JPH3: variants seen among roughly 807,000 people sequenced by gnomAD.
The protein encoded by JPH3 is junctophilin 3, also known as junctophilin-3.
In JPH3, 11 loss-of-function variants were observed where a neutral mutation model predicts 59.6. The ratio of observed to expected loss-of-function variants is 0.18; its 90% CI spans 0.12 to 0.31. JPH3 has a LOEUF of 0.31. Among genes scored for constraint, JPH3 ranks in the 10% least tolerant of loss-of-function variants. The pLI, the probability that JPH3 is intolerant of heterozygous loss-of-function variation, is 1.00. For synonymous variants in JPH3, 673 were observed against 483.6 expected (o/e 1.39, Z -5.14); for missense variants, 1,202 against 1,105.7 (o/e 1.09, Z -1.24).
At chr16:87,641,440 T>C (rs1451889201) in intron 1 of JPH3, among the ~76,000 whole-genome samples, 1 of 152,170 alleles carries the variant, frequency 6.6e-6, no homozygotes, top group Non-Finnish European at 1.5e-5. Context: ...GGGTACAGAA[T>C]GACCGACCAG....
At chr16:87,650,164 C>A (rs2032285380) in intron 2 of JPH3, among the ~76,000 whole-genome samples, 1 of 152,242 alleles carries the variant, frequency 6.6e-6, no homozygotes, top group African/African-American at 2.4e-5. Context: ...ACAGCACGTG[C>A]TCACATCGTG....
Position 87,661,262 on chromosome 16 carries a change from G to T in JPH3, c.1160+16227G>T, listed in dbSNP as rs552186623. Reference sequence around the variant, plus strand: ...TCGGGGTCATCTGATTATCCACCCAGATAATCCAGGGTCATCTCTCTCTTT... The same window carrying T: ...TCGGGGTCATCTGATTATCCACCCATATAATCCAGGGTCATCTCTCTCTTT... On this transcript the variant is annotated intron_variant, in intron 2 of 4. Transcript: ENST00000284262. 1.1e-3 allele frequency among the ~76,000 whole-genome samples: 169 copies of T among 152,318 alleles called. 1 individual carries two copies. Among genetic ancestry groups the T allele is most frequent in the African/African-American group, 3.8e-3 (158 of 41,566 alleles).
In JPH3 at chr16:87,697,302, C is replaced by T. The variant is rs191170046; in HGVS notation, c.*642C>T. The T allele has an allele frequency of 2.6e-5, 4 of 152,704 alleles. No individual in the cohort carries two copies. Among genetic ancestry groups the T allele is most frequent in the Admixed American group, 2.6e-4 (4 of 15,346 alleles). The allele number at this position is 152,704 out of a possible 1,614,324, so 9.5% of individuals were successfully genotyped here. On this transcript the variant is annotated 3_prime_UTR_variant, in exon 5 of 5. Coordinates refer to ENST00000284262, the MANE Select transcript of JPH3 (RefSeq NM_020655.4). Reference sequence around the variant, plus strand: ...CCCTCTTCTCGGCACTGCCCCCGGCCTTCCATGAGAAGCCGACTCCCCACA... The same window carrying T: ...CCCTCTTCTCGGCACTGCCCCCGGCTTTCCATGAGAAGCCGACTCCCCACA...
chr16:87,617,086 C>A (rs147082549), intron 1 of JPH3, among the ~76,000 whole-genome samples: 97 of 150,620 alleles, frequency 6.4e-4, no homozygotes, highest in African/African-American at 2.1e-3. Flanking sequence ...TAGCCGGGTG[C>A]GGTGGTGCGT....
At chr16:87,663,357 C>T (rs886123826) in intron 2 of JPH3, among the ~76,000 whole-genome samples, 6 of 152,198 alleles carry the variant, frequency 3.9e-5, no homozygotes, top group Non-Finnish European at 7.4e-5. Flanking sequence ...CTCCACCTGC[C>T]TTGGCCTCCC....
chr16:87,678,009 T>G (rs775341602), intron 2 of JPH3, among the ~76,000 whole-genome samples: 1 of 152,164 alleles, frequency 6.6e-6, no homozygotes, highest in Non-Finnish European at 1.5e-5. Flanking sequence ...TCCCAGCACT[T>G]TGGGAGGCCA....
rs577066572 is a variant in JPH3 at position 87,695,091 on chromosome 16, C to T, written c.2167-1489C>T. On this transcript the variant is annotated intron_variant, in intron 4 of 4. Coordinates refer to ENST00000284262, the MANE Select transcript of JPH3 (RefSeq NM_020655.4). ...CCTGGGAGTGGAACTGCTGGGTCCC[C>T]GGTGTTCTCATCAATTCTCTTCCAG... The T allele has an allele frequency of 2.8e-4, 99 of 353,312 alleles. 2 individuals are homozygous for T. Among genetic ancestry groups the T allele is most frequent in the South Asian group, 1.6e-3 (76 of 46,756 alleles). 21.9% of individuals were successfully genotyped at this position (353,312 alleles called of 1,614,324 possible). A position where few individuals can be genotyped will look rare whatever the true frequency, so the allele number is the denominator to read the frequency against.
intron 3 of JPH3, among the ~76,000 whole-genome samples, chr16:87,689,358 G>A (rs1038078430): frequency 1.3e-5 from 2 of 152,156 alleles, no homozygotes; most frequent in East Asian, 1.9e-4. Flanking sequence ...CGCACTTTCC[G>A]AGCCTTGGGT....
intron 2 of JPH3, among the ~76,000 whole-genome samples, chr16:87,665,915 C>T (rs28720938): frequency 0.19 from 29,516 of 152,082 alleles, 3,861 homozygotes; most frequent in East Asian, 0.33. Context: ...CGCTGCCCCC[C>T]AGGTAGCTGG....
At chr16:87,690,694 C>T (rs1041195519) in intron 4 of JPH3, among the ~76,000 whole-genome samples, 168 bp downstream of exon 4, 7 of 152,152 alleles carry the variant, frequency 4.6e-5, no homozygotes, top group African/African-American at 1.7e-4. Flanking sequence ...TCGCTGGGAC[C>T]CTCCCCTAGG....
intron 1 of JPH3, among the ~76,000 whole-genome samples, chr16:87,625,782 C>T (rs756776619): frequency 6.6e-6 from 1 of 152,150 alleles, no homozygotes; most frequent in East Asian, 1.9e-4. Flanking sequence ...GGGTTTACTG[C>T]GAGCCGTGGG....
chr16:87,637,979 C>G (rs1686077876), intron 1 of JPH3, among the ~76,000 whole-genome samples: 1 of 152,048 alleles, frequency 6.6e-6, no homozygotes, highest in African/African-American at 2.4e-5. Context: ...TGCAGTGGCA[C>G]AATCTTGGCT....
At position 87,696,826 on chromosome 16, in the gene JPH3, T is replaced by A. The variant is rs1027173267; in HGVS notation, c.*166T>A. On this transcript the variant is annotated 3_prime_UTR_variant, in exon 5 of 5. Coordinates refer to ENST00000284262, the MANE Select transcript of JPH3 (RefSeq NM_020655.4). ...GGGTATCACTCACAGTTTGCCTTTT[T>A]TTCTGGGTAATGTTTTTTGGATTTT... The A allele has an allele frequency of 6.3e-6, 4 of 632,874 alleles. No individual in the cohort carries two copies. In the African/African-American group the frequency reaches 7.3e-5, roughly 12 times the overall value. 39.2% of individuals were successfully genotyped at this position (632,874 alleles called of 1,614,324 possible). A position where few individuals can be genotyped will look rare whatever the true frequency, so the allele number is the denominator to read the frequency against.
chr16:87,690,076 G>C lies in JPH3; in HGVS notation c.1716G>C (p.Arg572=), dbSNP rs762805375. The change falls in exon 4 of 5, where the codon CGG becomes CGC. Residue 572 remains arginine, a synonymous_variant. Coordinates refer to ENST00000284262, the MANE Select transcript of JPH3 (RefSeq NM_020655.4). The part of the protein sequence containing the change: ...GRKQPGNPKP[R]ERRTESPPVF... ...AGCAGCCCGGGAACCCCAAGCCGCG[G>C]GAGCGGCGGACGGAGTCACCCCCCG... 1.3e-6 allele frequency: 2 copies of C among 1,567,210 alleles called. No individual in the cohort carries two copies. The highest frequency in any genetic ancestry group is 1.4e-5 in the African/African-American group (1 of 73,378).
At chr16:87,656,088 G>T (rs2032492903) in intron 2 of JPH3, among the ~76,000 whole-genome samples, 1 of 152,244 alleles carries the variant, frequency 6.6e-6, no homozygotes, top group Non-Finnish European at 1.5e-5. Context: ...GGGGTGCATG[G>T]CGTGAACTTC....
At chr16:87,604,011 A>G (rs1437626508) in intron 1 of JPH3, 1 of 892,916 alleles carries the variant, frequency 1.1e-6, no homozygotes, top group East Asian at 1.2e-4. Context: ...GCCCAAGCCG[A>G]GAGAAAGGGA....
rs142674980 is a variant in JPH3, at chr16:87,603,413, C to G, written c.267C>G (p.His89Gln). 1.9e-6 allele frequency: 3 copies of G among 1,588,440 alleles called. No individual in the cohort carries two copies. The highest frequency in any genetic ancestry group is 2.6e-6 in the Non-Finnish European group (3 of 1,168,046). The change falls in exon 1 of 5, where the codon CAC becomes CAG. Residue 89 changes from histidine to glutamine, a missense_variant. His to Gln is a conservative substitution (Grantham distance 24, BLOSUM62 0). Transcript: ENST00000284262. ...GKWVYKGEWT[H>Q]GFKGRYGVRE... ...GGGTGTACAAGGGCGAGTGGACGCA[C>G]GGATTCAAGGGGCGCTACGGGGTGC... is the stretch of plus-strand genomic sequence containing the variant.
intron 1 of JPH3, chr16:87,604,607 G>A: frequency 8.3e-7 from 1 of 1,209,928 alleles, no homozygotes; most frequent in Non-Finnish European, 1.0e-6. Context: ...TGCTTCTGCC[G>A]AGAATAAAAA....
chr16:87,676,504 C>T (rs749445891), intron 2 of JPH3, among the ~76,000 whole-genome samples: 3 of 150,948 alleles, frequency 2.0e-5, no homozygotes, highest in Non-Finnish European at 4.4e-5. Flanking sequence ...GGGAGGCAGA[C>T]GCAGGTGGAT....
Sources: allele counts gnomAD v4.1 joint callset (sites outside exome capture counted in the v4.1 genomes callset), GRCh38; gene constraint gnomAD v4.1.1; transcripts MANE v1.5; gene names NCBI Gene and HGNC (gene_info 2026-07-23, HGNC 2026-07-21).